The following CCDC149 variants were observed in gnomAD, a reference collection of about 807,000 sequenced individuals.
The protein encoded by CCDC149 is coiled-coil domain containing 149.
Under a neutral mutation model 59.9 loss-of-function variants are expected in CCDC149, and 45 were observed. That is an observed-to-expected ratio of 0.75 (90% CI 0.59 to 0.96). The LOEUF (loss-of-function observed/expected upper bound fraction) is 0.96, where lower values mean the gene tolerates loss of function less well. Ranked by LOEUF, CCDC149 falls within the 40% of genes least tolerant of loss-of-function variation. The probability of loss-of-function intolerance (pLI) is 0.00; values close to 1 mark genes in which losing one functional copy is unlikely to be tolerated. For synonymous variants in CCDC149, 245 were observed against 260.6 expected (o/e 0.94, Z 0.58); for missense variants, 584 against 664.7 (o/e 0.88, Z 1.33).
intron 1 of CCDC149, among the ~76,000 whole-genome samples, chr4:24,946,457 A>G (rs1474023781): frequency 4.6e-5 from 7 of 152,264 alleles, no homozygotes; most frequent in African/African-American, 1.7e-4. Context: ...AATCATTCAA[A>G]CATAACACTT....
At chr4:24,973,856 G>C (rs893869579) in intron 1 of CCDC149, among the ~76,000 whole-genome samples, 2 of 152,236 alleles carry the variant, frequency 1.3e-5, no homozygotes, top group Admixed American at 6.5e-5. Flanking sequence ...TGGAGGGATT[G>C]GGTTTGGGGT....
chr4:24,871,339 A>G (rs895999021), intron 3 of CCDC149, among the ~76,000 whole-genome samples: 1 of 152,250 alleles, frequency 6.6e-6, no homozygotes, highest in East Asian at 1.9e-4. Context: ...GTGCTGGTAC[A>G]GCATCAATGA....
intron 1 of CCDC149, among the ~76,000 whole-genome samples, chr4:24,970,262 C>T (rs1723919327): frequency 6.6e-6 from 1 of 152,210 alleles, no homozygotes. Context: ...GCTGTTGGAT[C>T]TGCACCACCT....
chr4:24,937,198 C>T (rs1722808585), intron 1 of CCDC149, among the ~76,000 whole-genome samples: 1 of 152,090 alleles, frequency 6.6e-6, no homozygotes, highest in Admixed American at 6.6e-5. Context: ...GAGAACTTGG[C>T]TGGGAAAGAG....
chr4:24,848,709 G>GA (rs370612834), intron 4 of CCDC149, among the ~76,000 whole-genome samples: 16,303 of 149,982 alleles, frequency 0.11, 1,018 homozygotes, highest in African/African-American at 0.18. Flanking sequence ...TCGACTTAAG[G>GA]AAAAAAAAAA....
At chr4:24,969,741 T>C (rs1022131416) in intron 1 of CCDC149, among the ~76,000 whole-genome samples, 10 of 152,162 alleles carry the variant, frequency 6.6e-5, no homozygotes, top group African/African-American at 2.4e-4. Flanking sequence ...GGACGAATGG[T>C]AACCTGCTGG....
In CCDC149 at chr4:24,835,064, G is replaced by A. The variant is rs117783811; in HGVS notation, c.736-32C>T. The A allele has an allele frequency of 5.1e-4, 781 of 1,537,994 alleles. 12 individuals are homozygous for A. In the East Asian group the frequency reaches 0.016, roughly 31 times the overall value. On this transcript the variant is annotated intron_variant, in intron 7 of 12. Coordinates refer to ENST00000635206, the MANE Select transcript of CCDC149 (RefSeq NM_001330643.2). ...CAGGATTGGGAGAGAATAAAAACCCGTCAGAAAAGCCAACAATGGAAAAGT... is the reference window on the plus strand; with the variant it reads ...CAGGATTGGGAGAGAATAAAAACCCATCAGAAAAGCCAACAATGGAAAAGT...
At chr4:24,859,838 C>T (rs1379955425) in intron 3 of CCDC149, among the ~76,000 whole-genome samples, 2 of 152,104 alleles carry the variant, frequency 1.3e-5, no homozygotes, top group African/African-American at 4.8e-5. Flanking sequence ...GAACTCAACC[C>T]TTTTACAAAC....
chr4:24,874,062 G>C (rs926374852), intron 2 of CCDC149, among the ~76,000 whole-genome samples: 3 of 151,928 alleles, frequency 2.0e-5, no homozygotes, highest in African/African-American at 7.3e-5. Flanking sequence ...CTTTTAAATA[G>C]TTAGAACCAA....
In CCDC149 at chr4:24,893,613, C is replaced by CTTTTTTTTTTTTTTTTTT. The variant is rs3066508; in HGVS notation, c.64-16934_64-16917dup. On this transcript the variant is annotated intron_variant, in intron 1 of 12. Coordinates refer to ENST00000635206, the MANE Select transcript of CCDC149 (RefSeq NM_001330643.2). ...CTTCTAGCACAATCTAAAATACAGA[C>CTTTTTTTTTTTTTTTTTT]TTTTTTTTTTTTTTTTTTTTTGAGA... Among the ~76,000 whole-genome samples, 51 of 65,874 alleles carry CTTTTTTTTTTTTTTTTTT rather than the reference C, an allele frequency of 7.7e-4. 13 individuals are homozygous for CTTTTTTTTTTTTTTTTTT. Among genetic ancestry groups the CTTTTTTTTTTTTTTTTTT allele is most frequent in the East Asian group, 2.4e-3 (4 of 1,700 alleles). The allele number at this position is 65,874 out of a possible 152,430, so 43.2% of individuals were successfully genotyped here.
chr4:24,820,533 G>A (rs1433647206), intron 11 of CCDC149, among the ~76,000 whole-genome samples: 1 of 152,026 alleles, frequency 6.6e-6, no homozygotes, highest in Non-Finnish European at 1.5e-5. Flanking sequence ...AGGAGGAGGA[G>A]GATGAGGAGG....
chr4:24,860,795 G>A (rs992658702), intron 3 of CCDC149, among the ~76,000 whole-genome samples: 2 of 151,930 alleles, frequency 1.3e-5, no homozygotes, highest in Non-Finnish European at 2.9e-5. Context: ...AGAACATGAA[G>A]AGACAATTCT....
chr4:24,846,957 T>C (rs1420973469), intron 4 of CCDC149, among the ~76,000 whole-genome samples: 1 of 152,224 alleles, frequency 6.6e-6, no homozygotes, highest in Non-Finnish European at 1.5e-5. Context: ...GGAACATGAA[T>C]TGCCGCTTCT....
intron 4 of CCDC149, among the ~76,000 whole-genome samples, chr4:24,844,535 G>A (rs1330573459): frequency 1.3e-5 from 2 of 152,140 alleles, no homozygotes; most frequent in East Asian, 1.9e-4. Flanking sequence ...CACTTTGGGA[G>A]GCTGAGACAG....
At chr4:24,953,347 AT>A (rs1723367970) in intron 1 of CCDC149, among the ~76,000 whole-genome samples, 1 of 152,176 alleles carries the variant, frequency 6.6e-6, no homozygotes, top group Non-Finnish European at 1.5e-5. Context: ...TCCAGCTGAA[AT>A]GACTTCCAGG....
chr4:24,897,894 A>C (rs1186248126), intron 1 of CCDC149, among the ~76,000 whole-genome samples: 1 of 152,248 alleles, frequency 6.6e-6, no homozygotes, highest in Non-Finnish European at 1.5e-5. Flanking sequence ...TGGCAAAGCC[A>C]GAGAATGTTG....
At chr4:24,811,571 G>T (rs1268647517) in intron 12 of CCDC149, among the ~76,000 whole-genome samples, 1 of 152,152 alleles carries the variant, frequency 6.6e-6, no homozygotes, top group East Asian at 1.9e-4. Flanking sequence ...GGAATCAGAA[G>T]TCCAAAAAAA....
chr4:24,923,779 A>C (rs1722365278), intron 1 of CCDC149, among the ~76,000 whole-genome samples: 1 of 152,214 alleles, frequency 6.6e-6, no homozygotes, highest in Admixed American at 6.5e-5. Context: ...TGAAGTGTGT[A>C]TTAGGATTAA....
intron 4 of CCDC149, among the ~76,000 whole-genome samples, chr4:24,851,111 A>G (rs562535473): frequency 3.9e-5 from 6 of 152,338 alleles, no homozygotes; most frequent in Admixed American, 6.5e-5. Context: ...GTGAGAAGAC[A>G]AAGTTTGATA....
Sources: gnomAD v4.1 joint callset for allele counts (sites outside exome capture counted in the v4.1 genomes callset) on GRCh38, gnomAD v4.1.1 for gene constraint, MANE v1.5 for transcripts, NCBI Gene and HGNC (gene_info 2026-07-23, HGNC 2026-07-21) for gene names.